SYN2: variants seen among roughly 807,000 people sequenced by gnomAD.
The protein encoded by SYN2 is synapsin-2.
In SYN2, 19 loss-of-function variants were observed where a neutral mutation model predicts 50.9. The observed-to-expected ratio is 0.37, with a 90% CI of 0.26 to 0.55. SYN2 has a LOEUF of 0.55. SYN2 is among the 20% of genes least tolerant of loss of function. The pLI is 0.81. For synonymous variants in SYN2, 255 were observed against 224.9 expected, an observed-to-expected ratio of 1.13 and a Z score of -1.20; for missense variants, 587 against 576.4, an observed-to-expected ratio of 1.02 and a Z score of -0.19.
chr3:12,043,455 A>G (rs1694665711), intron 1 of SYN2, among the ~76,000 whole-genome samples: 1 of 152,156 alleles, frequency 6.6e-6, no homozygotes, highest in Non-Finnish European at 1.5e-5. Context: ...TCTCCTATAT[A>G]ACCCGGTATA....
intron 1 of SYN2, among the ~76,000 whole-genome samples, chr3:12,031,995 G>T (rs1019877878): frequency 6.8e-6 from 1 of 148,080 alleles, no homozygotes; most frequent in African/African-American, 2.5e-5. Context: ...TTACAATTTG[G>T]CATGATTTTG....
chr3:12,028,325 G>A (rs1435960002), intron 1 of SYN2, among the ~76,000 whole-genome samples: 10 of 150,912 alleles, frequency 6.6e-5, no homozygotes, highest in East Asian at 3.9e-4. Context: ...GAATAATGCC[G>A]CAATAAACAT....
At chr3:12,056,075 C>G (rs956118983) in intron 1 of SYN2, among the ~76,000 whole-genome samples, 13 of 152,036 alleles carry the variant, frequency 8.6e-5, no homozygotes, top group Non-Finnish European at 1.9e-4. Context: ...TCAAGATGCT[C>G]CAGGCTCTTG....
chr3:12,158,732 G>C (rs1344429655), intron 5 of SYN2: 2 of 1,609,580 alleles, frequency 1.2e-6, no homozygotes, highest in East Asian at 2.2e-5. Flanking sequence ...TGCTGCTGAG[G>C]GTGCGCCGGG....
At chr3:12,153,637 G>T in intron 5 of SYN2, 1 of 1,614,182 alleles carries the variant, frequency 6.2e-7, no homozygotes, top group Non-Finnish European at 8.5e-7. Flanking sequence ...TAGAGCTTTC[G>T]TTCCAACAGC....
chr3:12,117,527 G>GT (rs1696460624), intron 1 of SYN2, among the ~76,000 whole-genome samples: 2 of 152,176 alleles, frequency 1.3e-5, no homozygotes, highest in Non-Finnish European at 2.9e-5. Context: ...TTGTGCCTGT[G>GT]TAAGAGCTCA....
At chr3:12,046,812 G>A (rs1298558875) in intron 1 of SYN2, among the ~76,000 whole-genome samples, 1 of 152,126 alleles carries the variant, frequency 6.6e-6, no homozygotes, top group East Asian at 1.9e-4. Flanking sequence ...AAAGTATGAC[G>A]ACTAGGTTTC....
intron 1 of SYN2, among the ~76,000 whole-genome samples, chr3:12,067,897 C>T (rs1695255101): frequency 1.3e-5 from 2 of 152,016 alleles, no homozygotes; most frequent in Admixed American, 6.6e-5. Flanking sequence ...CCTGTCTCTA[C>T]AAAAAGAAAA....
At chr3:12,114,644 T>C (rs1474715941) in intron 1 of SYN2, among the ~76,000 whole-genome samples, 1 of 151,988 alleles carries the variant, frequency 6.6e-6, no homozygotes, top group Non-Finnish European at 1.5e-5. Context: ...AGGTGGGGGG[T>C]TCTCTGTAAA....
chr3:12,063,811 C>T (rs1353958911), intron 1 of SYN2, among the ~76,000 whole-genome samples: 1 of 151,742 alleles, frequency 6.6e-6, no homozygotes, highest in Non-Finnish European at 1.5e-5. Context: ...ATCCATAGGT[C>T]CATACTGATG....
At chr3:12,149,538 GC>G (rs1248861455) in intron 4 of SYN2, among the ~76,000 whole-genome samples, 2 of 152,236 alleles carry the variant, frequency 1.3e-5, no homozygotes, top group African/African-American at 4.8e-5. Context: ...TTGCAGTGCA[GC>G]CCTGACTCCA....
chr3:12,027,808 A>G (rs1694293427), intron 1 of SYN2, among the ~76,000 whole-genome samples: 1 of 152,170 alleles, frequency 6.6e-6, no homozygotes, highest in Non-Finnish European at 1.5e-5. Context: ...TGATTGTGCT[A>G]TTAATATTTC....
chr3:12,107,996 T>C (rs1045803032), intron 1 of SYN2, among the ~76,000 whole-genome samples: 1 of 151,690 alleles, frequency 6.6e-6, no homozygotes, highest in African/African-American at 2.4e-5. Flanking sequence ...GGATCACTTG[T>C]GCTCAGGAGT....
chr3:12,150,900 G>C (rs1481550076), intron 4 of SYN2, among the ~76,000 whole-genome samples: 1 of 151,852 alleles, frequency 6.6e-6, no homozygotes, highest in Non-Finnish European at 1.5e-5. Flanking sequence ...TTTGATCCCA[G>C]CTTCACCTTG....
At position 12,047,468 on chromosome 3, in the gene SYN2, A is replaced by G. The variant is rs1001884516; in HGVS notation, c.377+42540A>G. ...TTAAATCATCATATTTTGACCAGAC[A>G]AACTCATGATTTAGTGAGAGTTGAA... On this transcript the variant is annotated intron_variant, in intron 1 of 12. Transcript: ENST00000621198. Among the ~76,000 whole-genome samples the G allele has an allele frequency of 2.6e-5, 4 of 152,334 alleles. 1 individual carries two copies. Among genetic ancestry groups the G allele is most frequent in the Middle Eastern group, 6.8e-3 (2 of 294 alleles).
rs1336336456 is a variant in SYN2, at chr3:12,161,460, A to G, written c.775-86A>G. ...ACTAGTTCTTTAAAGAACCCTCCCA[A>G]GGGTATTCCCAAGAAAAATATGTGT... is the stretch of plus-strand genomic sequence containing the variant. On this transcript the variant is annotated intron_variant, in intron 5 of 12. Coordinates refer to ENST00000621198, the MANE Select transcript of SYN2 (RefSeq NM_133625.6). The G allele has an allele frequency of 2.0e-6, 3 of 1,485,822 alleles. No individual in the cohort carries two copies. In the African/African-American group the frequency reaches 4.1e-5, roughly 20 times the overall value. 92.0% of individuals were successfully genotyped at this position (1,485,822 alleles called of 1,614,324 possible).
intron 1 of SYN2, among the ~76,000 whole-genome samples, chr3:12,099,492 C>G (rs1311913366): frequency 6.6e-6 from 1 of 152,096 alleles, no homozygotes; most frequent in Non-Finnish European, 1.5e-5. Context: ...TGAAAATACT[C>G]TGAAATTAAT....
rs112413890 is a variant in SYN2 at position 12,105,538 on chromosome 3, A to G, written c.378-35113A>G. The stretch of plus-strand genomic sequence containing the variant: ...TGTTTGTCCTAGGTAGCCCCTGAAA[A>G]GGAAAGAAAACCTGACATCAGAAGA... On this transcript the variant is annotated intron_variant, in intron 1 of 12. Transcript: ENST00000621198. Among the ~76,000 whole-genome samples, 824 of 141,386 alleles carry G rather than the reference A, an allele frequency of 5.8e-3. 4 individuals carry two copies. Among genetic ancestry groups the G allele is most frequent in the Non-Finnish European group, 9.1e-3 (587 of 64,192 alleles). 92.8% of individuals were successfully genotyped at this position (141,386 alleles called of 152,430 possible). A position where few individuals can be genotyped will look rare whatever the true frequency, so the allele number is the denominator to read the frequency against.
intron 10 of SYN2, among the ~76,000 whole-genome samples, chr3:12,172,919 G>A (rs1219321643): frequency 6.6e-6 from 1 of 152,202 alleles, no homozygotes; most frequent in African/African-American, 2.4e-5. Context: ...AATACTTTCA[G>A]CCCATGTGGG....
Sources: gnomAD v4.1 joint callset for allele counts (sites outside exome capture counted in the v4.1 genomes callset) on GRCh38, gnomAD v4.1.1 for gene constraint, MANE v1.5 for transcripts, NCBI Gene and HGNC (gene_info 2026-07-23, HGNC 2026-07-21) for gene names.